Variants in CSMD1 observed in about 807,000 individuals in gnomAD.
CSMD1 encodes the protein CUB and Sushi multiple domains 1.
A neutral mutation model predicts 417.5 loss-of-function variants in CSMD1; 213 were observed. That is an observed-to-expected ratio of 0.51 (90% CI 0.46 to 0.57). The LOEUF (loss-of-function observed/expected upper bound fraction) is 0.57, where lower values mean the gene tolerates loss of function less well. Among genes scored for constraint, CSMD1 ranks in the 20% least tolerant of loss-of-function variants. The pLI is 0.00. For missense variants in CSMD1, 6,923 were observed against 4,529.7 expected (o/e 1.53, Z -15.17); for synonymous variants, 2,862 against 1,736.8 (o/e 1.65, Z -16.11).
chr8:3,190,362 G>C (rs1796340392), intron 33 of CSMD1, among the ~76,000 whole-genome samples: 1 of 152,056 alleles, frequency 6.6e-6, no homozygotes, highest in South Asian at 2.1e-4. Flanking sequence ...GTTCCCAACT[G>C]TACTTCGCCC....
At chr8:3,118,023 T>G (rs546859327) in intron 42 of CSMD1, among the ~76,000 whole-genome samples, 6 of 152,346 alleles carry the variant, frequency 3.9e-5, no homozygotes, top group African/African-American at 1.4e-4. Flanking sequence ...AATTAATAAG[T>G]ACCCTTTTTC....
chr8:4,068,044 G>A (rs901885220), intron 3 of CSMD1, among the ~76,000 whole-genome samples: 10 of 152,158 alleles, frequency 6.6e-5, no homozygotes, highest in Non-Finnish European at 5.9e-5. Context: ...TCATGCCACT[G>A]CACTCCAGCC....
At chr8:3,762,620 G>T (rs1231352144) in intron 5 of CSMD1, among the ~76,000 whole-genome samples, 5 of 152,222 alleles carry the variant, frequency 3.3e-5, no homozygotes, top group African/African-American at 9.6e-5. Flanking sequence ...GCCCTAAGCC[G>T]CTCTTGTCTG....
At chr8:4,567,920 T>C (rs529124008) in intron 2 of CSMD1, among the ~76,000 whole-genome samples, 1 of 152,324 alleles carries the variant, frequency 6.6e-6, no homozygotes, top group East Asian at 1.9e-4. Context: ...ATCAATGACC[T>C]GAAATTGCAC....
chr8:4,272,363 C>T (rs1382769866), intron 3 of CSMD1, among the ~76,000 whole-genome samples: 1 of 152,100 alleles, frequency 6.6e-6, no homozygotes, highest in Admixed American at 6.5e-5. Flanking sequence ...AATTGCTGTA[C>T]ATCCTTTCAC....
At chr8:2,992,751 ATTTTC>A (rs1434133501) in intron 54 of CSMD1, among the ~76,000 whole-genome samples, 1 of 149,394 alleles carries the variant, frequency 6.7e-6, no homozygotes, top group Admixed American at 6.7e-5. Context: ...ATGCCATCTG[ATTTTC>A]TTTTGAGATG....
At chr8:4,876,163 T>TAG (rs1371196257) in intron 1 of CSMD1, among the ~76,000 whole-genome samples, 1 of 152,090 alleles carries the variant, frequency 6.6e-6, no homozygotes, top group East Asian at 1.9e-4. Context: ...CTTAGTCTAT[T>TAG]TCCCTGCTGG....
intron 3 of CSMD1, among the ~76,000 whole-genome samples, chr8:4,290,556 G>A (rs147362765): frequency 6.2e-4 from 94 of 152,240 alleles, no homozygotes; most frequent in African/African-American, 2.2e-3. Context: ...ATGAAGAAGG[G>A]CCATTCATAG....
intron 5 of CSMD1, among the ~76,000 whole-genome samples, chr8:3,827,322 G>C (rs114416634): frequency 1.3e-5 from 2 of 152,048 alleles, no homozygotes; most frequent in Admixed American, 6.5e-5. Context: ...CTATATAAAA[G>C]AATTAAACAA....
At chr8:3,873,788 G>A (rs1439553917) in intron 5 of CSMD1, among the ~76,000 whole-genome samples, 1 of 152,144 alleles carries the variant, frequency 6.6e-6, no homozygotes, top group African/African-American at 2.4e-5. Context: ...CGTAGCCCTT[G>A]ATTAGACTGG....
At chr8:4,210,182 T>G (rs946943178) in intron 3 of CSMD1, among the ~76,000 whole-genome samples, 1 of 152,242 alleles carries the variant, frequency 6.6e-6, no homozygotes, top group Non-Finnish European at 1.5e-5. Flanking sequence ...TCAGCCCATC[T>G]GTGGGAGCTC....
Position 3,406,076 on chromosome 8 carries a change from T to G in CSMD1, c.2217A>C (p.Ile739=). Residue 739 remains isoleucine (I), a synonymous_variant, in exon 15 of 70, where the codon ATA becomes ATC. Transcript: ENST00000635120. ...KTQGSESITC[I]LQDGNVVWSS... is the part of the protein sequence containing the mutation. ...TCCAGACCACGTTCCCGTCTTGCAG[T>G]ATGCAGGTAATGGACTCGGATCCCT... 6.2e-7 allele frequency: 1 copy of G among 1,613,898 alleles called. No homozygotes were observed. Among genetic ancestry groups the G allele is most frequent in the Non-Finnish European group, 8.5e-7 (1 of 1,179,858 alleles).
At chr8:3,180,547 C>T (rs1429610855) in intron 37 of CSMD1, among the ~76,000 whole-genome samples, 1 of 152,138 alleles carries the variant, frequency 6.6e-6, no homozygotes, top group Non-Finnish European at 1.5e-5. Flanking sequence ...TACAAACAAC[C>T]TGAAATTATA....
chr8:3,815,801 G>A (rs566682351), intron 5 of CSMD1, among the ~76,000 whole-genome samples: 5 of 152,034 alleles, frequency 3.3e-5, no homozygotes, highest in South Asian at 2.1e-4. Flanking sequence ...GCTAGTGAAC[G>A]GGCCTAGAAA....
At chr8:3,270,275 C>G (rs1215544174) in intron 26 of CSMD1, among the ~76,000 whole-genome samples, 1 of 151,986 alleles carries the variant, frequency 6.6e-6, no homozygotes, top group Non-Finnish European at 1.5e-5. Context: ...CCAGGCTGGC[C>G]TTGAACTCCT....
intron 5 of CSMD1, among the ~76,000 whole-genome samples, chr8:3,881,140 T>C (rs1176736765): frequency 1.3e-5 from 2 of 152,176 alleles, no homozygotes; most frequent in Non-Finnish European, 1.5e-5. Flanking sequence ...AATGCAGATA[T>C]GTGCCATGTT....
At chr8:3,897,819 A>G (rs1584930464) in intron 5 of CSMD1, among the ~76,000 whole-genome samples, 1 of 152,120 alleles carries the variant, frequency 6.6e-6, no homozygotes, top group Non-Finnish European at 1.5e-5. Flanking sequence ...GTTCATCTCC[A>G]TCTTTTTTCT....
intron 3 of CSMD1, among the ~76,000 whole-genome samples, chr8:4,234,109 C>G (rs1420239539): frequency 6.6e-6 from 1 of 152,164 alleles, no homozygotes; most frequent in Non-Finnish European, 1.5e-5. Flanking sequence ...ACATCAAGTG[C>G]TACAGGAGTT....
At chr8:4,839,908 C>A (rs1179611345) in intron 1 of CSMD1, among the ~76,000 whole-genome samples, 4 of 152,170 alleles carry the variant, frequency 2.6e-5, no homozygotes, top group Admixed American at 1.3e-4. Context: ...TAACCTCCTG[C>A]GCGTCTCCTC....
Sources: allele counts gnomAD v4.1 joint callset (sites outside exome capture counted in the v4.1 genomes callset), GRCh38; gene constraint gnomAD v4.1.1; transcripts MANE v1.5; gene names NCBI Gene and HGNC (gene_info 2026-07-23, HGNC 2026-07-21).